The following ZNF266 variants were observed in gnomAD, a reference collection of about 807,000 sequenced individuals.
ZNF266 encodes the protein zinc finger protein 266.
Under a neutral mutation model 16.4 loss-of-function variants are expected in ZNF266, and 16 were observed. That is an observed-to-expected ratio of 0.98 (90% CI 0.66 to 1.48). The LOEUF is 1.48. Ranked by LOEUF, ZNF266 falls within the 40% of genes most tolerant of loss-of-function variation. The probability of loss-of-function intolerance (pLI) is 0.00; values close to 1 mark genes in which losing one functional copy is unlikely to be tolerated. For missense variants in ZNF266, 738 were observed against 689.1 expected, an observed-to-expected ratio of 1.07 and a Z score of -0.79; for synonymous variants, 262 against 237.9, an observed-to-expected ratio of 1.10 and a Z score of -0.93.
intron 9 of ZNF266, among the ~76,000 whole-genome samples, chr19:9,416,257 A>G (rs1162967395): frequency 1.3e-5 from 2 of 152,186 alleles, no homozygotes; most frequent in Non-Finnish European, 2.9e-5. Flanking sequence ...AACTGATTCT[A>G]TGAAAATTAT....
chr19:9,422,791 G>A (rs2070129257), intron 5 of ZNF266, among the ~76,000 whole-genome samples: 1 of 152,190 alleles, frequency 6.6e-6, no homozygotes, highest in Admixed American at 6.5e-5. Flanking sequence ...AGAACTTCAG[G>A]CAGTGTATTG....
chr19:9,417,987 G>A (rs1170523212), intron 8 of ZNF266, 79 bp from the exon 9 acceptor site: 34 of 1,361,574 alleles, frequency 2.5e-5, no homozygotes, highest in Non-Finnish European at 3.2e-5. Flanking sequence ...AGGAGATATA[G>A]TTCCAATGGA....
chr19:9,433,902 G>A (rs1313875530), intron 4 of ZNF266, 116 bp from the exon 5 acceptor site: 1 of 152,124 alleles, frequency 6.6e-6, no homozygotes, highest in Non-Finnish European at 1.5e-5. Context: ...CCCAAGAGGT[G>A]GAGGTTACAG....
Position 9,413,650 on chromosome 19 carries a change from T to A in ZNF266, c.1476A>T (p.Gly492=), listed in dbSNP as rs982360335. The A allele has an allele frequency of 1.9e-6, 3 of 1,613,836 alleles. No homozygotes were observed. In the South Asian group the frequency reaches 3.3e-5, roughly 18 times the overall value. The change falls in exon 11 of 11, where the codon GGA becomes GGT. Residue 492 remains glycine (G), a synonymous_variant. Transcript: ENST00000592904. Reference sequence around the variant, plus strand: ...TCTCTCCAGTGTGAATTCTCAAATGTCCACTAAGATTTGAAGAAATAGCAA... The same window carrying A: ...TCTCTCCAGTGTGAATTCTCAAATGACCACTAAGATTTGAAGAAATAGCAA... ...KAFAISSNLS[G]HLRIHTGEKP...
intron 10 of ZNF266, 32 bp downstream of exon 10, chr19:9,415,622 T>A (rs1257180441): frequency 3.9e-6 from 6 of 1,545,286 alleles, no homozygotes; most frequent in South Asian, 1.1e-5. Context: ...TCTCTAAATG[T>A]GAAAACTAAG....
intron 5 of ZNF266, chr19:9,420,735 C>G (rs1416574049): frequency 6.8e-6 from 1 of 147,054 alleles, no homozygotes; most frequent in Non-Finnish European, 1.5e-5. Context: ...AGCCTGGCAA[C>G]AGAGTGAAAC....
intron 5 of ZNF266, among the ~76,000 whole-genome samples, chr19:9,426,651 G>A (rs1391144442): frequency 6.6e-6 from 1 of 151,994 alleles, no homozygotes; most frequent in African/African-American, 2.4e-5. Flanking sequence ...CAGACCATGA[G>A]ACATGGGGAA....
At position 9,413,305 on chromosome 19, in the gene ZNF266, T is replaced by C. The variant is rs1454496222; in HGVS notation, c.1821A>G (p.Arg607=). ...SSSSSFRNHE[R]RHADERLSA ...CTGACAGTCTCTCATCCGCATGCCT[T>C]CTTTCATGATTTCGAAAGGAACTGG... The change falls in exon 11 of 11, where the codon AGA becomes AGG. Residue 607 remains arginine (R), a synonymous_variant. Transcript: ENST00000592904. 12 of 1,602,064 alleles carry C rather than the reference T, an allele frequency of 7.5e-6. No homozygotes were observed. Among genetic ancestry groups the C allele is most frequent in the Non-Finnish European group, 1.0e-5 (12 of 1,173,380 alleles).
intron 5 of ZNF266, among the ~76,000 whole-genome samples, chr19:9,423,510 A>T (rs1456199333): frequency 6.6e-6 from 1 of 152,246 alleles, no homozygotes; most frequent in Admixed American, 6.5e-5. Flanking sequence ...AACTGGTTCC[A>T]TCACACACCC....
In ZNF266 at chr19:9,414,306, T is replaced by C. The variant is rs1056250157; in HGVS notation, c.820A>G (p.Arg274Gly). The C allele has an allele frequency of 6.2e-7, 1 of 1,614,078 alleles. No homozygotes were observed. The highest frequency in any genetic ancestry group is 2.2e-5 in the East Asian group (1 of 44,878). Residue 274 changes from arginine to glycine, a missense_variant, in exon 11 of 11, where the codon AGG becomes GGG. Arg to Gly is a moderately radical substitution (Grantham distance 125). Coordinates refer to ENST00000592904, the MANE Select transcript of ZNF266 (RefSeq NM_001370374.1). ...TTACATTTGTAGGGTTTTTCTGACC[T>C]GTGAGTTTGTATACGCACAGCAAGG... ...TDLAVRIQTH[R>G]SEKPYKCKEC... is the part of the protein sequence containing the mutation.
At chr19:9,428,311 C>G (rs1443487330) in intron 5 of ZNF266, among the ~76,000 whole-genome samples, 1 of 152,208 alleles carries the variant, frequency 6.6e-6, no homozygotes. Flanking sequence ...AAGCCAATCT[C>G]AGGCCCTTGG....
chr19:9,427,611 G>A (rs1302182212), intron 5 of ZNF266, among the ~76,000 whole-genome samples: 2 of 152,134 alleles, frequency 1.3e-5, no homozygotes, highest in African/African-American at 2.4e-5. Flanking sequence ...ACAGGTGTGA[G>A]CCACCACACC....
chr19:9,420,496 G>A (rs1018999377), intron 5 of ZNF266: 1 of 152,260 alleles, frequency 6.6e-6, no homozygotes, highest in Non-Finnish European at 1.5e-5. Flanking sequence ...GCTCACGCCT[G>A]TAATCCCAGC....
At chr19:9,424,435 G>T (rs1469478485) in intron 5 of ZNF266, among the ~76,000 whole-genome samples, 1 of 152,120 alleles carries the variant, frequency 6.6e-6, no homozygotes, top group African/African-American at 2.4e-5. Flanking sequence ...TCGGACTCTG[G>T]GCGAACGAAG....
intron 10 of ZNF266, 141 bp from the exon 11 acceptor site, chr19:9,414,861 A>C: frequency 1.0e-6 from 1 of 972,754 alleles, no homozygotes; most frequent in Non-Finnish European, 1.4e-6. Context: ...TGCCCTTTTG[A>C]TTTCTTTCCA....
At chr19:9,428,648 G>A (rs138389016) in intron 5 of ZNF266, among the ~76,000 whole-genome samples, 3 of 147,708 alleles carry the variant, frequency 2.0e-5, no homozygotes, top group East Asian at 4.0e-4. Context: ...TCAACAAACC[G>A]ACCCACCTTC....
At position 9,413,297 on chromosome 19, in the gene ZNF266, G is replaced by A. The variant is rs201935806; in HGVS notation, c.1829C>T (p.Ala610Val). ...TCCTTATGCTGACAGTCTCTCATCC[G>A]CATGCCTTCTTTCATGATTTCGAAA... is the stretch of plus-strand genomic sequence containing the variant. ...SSFRNHERRH[A>V]DERLSA Residue 610 changes from alanine (A) to valine (V), a missense_variant, in exon 11 of 11, where the codon GCG (alanine) becomes GTG (valine). Coordinates refer to ENST00000592904, the MANE Select transcript of ZNF266 (RefSeq NM_001370374.1). The A allele has an allele frequency of 2.1e-4, 337 of 1,596,730 alleles. No homozygotes were observed. Among genetic ancestry groups the A allele is most frequent in the Non-Finnish European group, 2.6e-4 (300 of 1,170,740 alleles).
Position 9,413,940 on chromosome 19 carries a change from A to T in ZNF266, c.1186T>A (p.Cys396Ser), listed in dbSNP as rs140571143. Reference sequence around the variant, plus strand: ...GAGGAATTTCTAAAGGATTTTCCACATATCTTACATTCAAAGGGATCCTTT... The same window carrying T: ...GAGGAATTTCTAAAGGATTTTCCACTTATCTTACATTCAAAGGGATCCTTT... ...TAKDPFECKI[C>S]GKSFRNSSCL... The change falls in exon 11 of 11, where the codon TGT (cysteine) becomes AGT (serine). Residue 396 changes from cysteine to serine, a missense_variant. By Grantham distance (112) the Cys-to-Ser change is moderately radical. Transcript: ENST00000592904. 3.5e-5 allele frequency: 56 copies of T among 1,614,022 alleles called. No homozygotes were observed. Among genetic ancestry groups the T allele is most frequent in the Non-Finnish European group, 4.6e-5 (54 of 1,179,990 alleles).
intron 2 of ZNF266, 93 bp downstream of exon 2, chr19:9,435,015 A>G (rs1283888466): frequency 6.6e-6 from 1 of 152,260 alleles, no homozygotes; most frequent in Non-Finnish European, 1.5e-5. Context: ...TAGAGTGTCA[A>G]AAGTAAATAC....
Sources: gnomAD v4.1 joint callset for allele counts (sites outside exome capture counted in the v4.1 genomes callset) on GRCh38, gnomAD v4.1.1 for gene constraint, MANE v1.5 for transcripts, NCBI Gene and HGNC (gene_info 2026-07-23, HGNC 2026-07-21) for gene names.